CNBD2: variants seen among roughly 807,000 people sequenced by gnomAD.
CNBD2 encodes cyclic nucleotide binding domain containing 2.
Under a neutral mutation model 63.7 loss-of-function variants are expected in CNBD2, and 64 were observed. The observed-to-expected ratio is 1.00, with a 90% CI of 0.82 to 1.24. The LOEUF (loss-of-function observed/expected upper bound fraction) is 1.24. Ranked by LOEUF, CNBD2 falls within the 50% of genes most tolerant of loss-of-function variation. CNBD2 has a pLI of 0.00. For synonymous variants in CNBD2, 229 were observed against 255.4 expected (o/e 0.90, Z 0.99); for missense variants, 691 against 713.5 (o/e 0.97, Z 0.36).
In CNBD2 at chr20:35,984,672, T is replaced by G; in HGVS notation, c.610T>G (p.Cys204Gly). Residue 204 changes from cysteine (C) to glycine (G), a missense_variant, in exon 6 of 12, where the codon TGT becomes GGT. By Grantham distance (159) the Cys-to-Gly change is radical. Coordinates refer to ENST00000373973, the MANE Select transcript of CNBD2 (RefSeq NM_001365709.1). Reference protein sequence around the residue: ...HASVRRSTIVCMEETEFLVVD... With the variant: ...HASVRRSTIVGMEETEFLVVD... ...TTCAGTGAGGAGGTCCACCATCGTCTGTATGGAAGAAACGGAGTTCCTGGT... is the reference window on the plus strand; with the variant it reads ...TTCAGTGAGGAGGTCCACCATCGTCGGTATGGAAGAAACGGAGTTCCTGGT... 6.2e-7 allele frequency: 1 copy of G among 1,614,226 alleles called. No homozygotes were observed. Among genetic ancestry groups the G allele is most frequent in the Non-Finnish European group, 8.5e-7 (1 of 1,180,034 alleles).
chr20:36,009,603 G>A (rs1158020619), intron 9 of CNBD2, among the ~76,000 whole-genome samples: 1 of 152,082 alleles, frequency 6.6e-6, no homozygotes, highest in Non-Finnish European at 1.5e-5. Context: ...CGGCTGAAGC[G>A]GGCGGATTGC....
exon 1 of CNBD2, chr20:35,954,871 G>A (rs1247135248): frequency 2.0e-5 from 6 of 304,422 alleles, no homozygotes; most frequent in East Asian, 1.2e-4. Context: ...AGTGGCGCCC[G>A]GCCGGTGGTG....
intron 8 of CNBD2, among the ~76,000 whole-genome samples, chr20:36,003,338 T>C (rs569679774): frequency 6.6e-6 from 1 of 152,184 alleles, no homozygotes; most frequent in Non-Finnish European, 1.5e-5. Context: ...TTTAATAGGA[T>C]GCTAGAAAAT....
downstream of CNBD2, among the ~76,000 whole-genome samples, chr20:35,959,972 T>G (rs567132223): frequency 6.6e-6 from 1 of 152,388 alleles, no homozygotes; most frequent in South Asian, 2.1e-4. Flanking sequence ...TAAAATAATG[T>G]GATAATCATA....
upstream of CNBD2, chr20:35,954,531 G>A (rs891243566): frequency 1.3e-6 from 2 of 1,517,968 alleles, no homozygotes; most frequent in South Asian, 2.4e-5. Context: ...GCACCCGGAA[G>A]CCGCTTGCGG....
upstream of CNBD2, among the ~76,000 whole-genome samples, chr20:35,965,174 C>CCT (rs1319979318): frequency 6.6e-6 from 1 of 151,268 alleles, no homozygotes; most frequent in African/African-American, 2.4e-5. Flanking sequence ...CTTCTCTCTC[C>CCT]CTCTCTCTCT....
chr20:36,027,441 G>C (rs2590962), intron 11 of CNBD2, among the ~76,000 whole-genome samples: 52,852 of 152,056 alleles, frequency 0.35, 13,494 homozygotes, highest in African/African-American at 0.72. Context: ...AATTAGAGTA[G>C]ATCAGTATTT....
At chr20:35,975,359 G>A (rs1168876897) in intron 2 of CNBD2, among the ~76,000 whole-genome samples, 1 of 113,000 alleles carries the variant, frequency 8.8e-6, no homozygotes. Context: ...GGAGTGCAGT[G>A]GCGCGATCTC....
intron 11 of CNBD2, among the ~76,000 whole-genome samples, chr20:36,027,314 T>A (rs542219136): frequency 6.6e-6 from 1 of 152,284 alleles, no homozygotes; most frequent in African/African-American, 2.4e-5. Flanking sequence ...TGCAGGTGAT[T>A]CCAGCCCTGG....
At chr20:35,984,869 G>A (rs1601038851) in intron 6 of CNBD2, 91 bp downstream of exon 6, 2 of 1,337,314 alleles carry the variant, frequency 1.5e-6, no homozygotes, top group Non-Finnish European at 1.1e-6. Context: ...GAAACATACT[G>A]GTTGCTGTTC....
chr20:35,968,433 A>G (rs1371891378), upstream of CNBD2, among the ~76,000 whole-genome samples: 3 of 152,122 alleles, frequency 2.0e-5, no homozygotes, highest in African/African-American at 7.2e-5. Context: ...TCTCCTATGT[A>G]TGGAGTTGAG....
At chr20:35,956,022 CA>C (rs2056253409), downstream of CNBD2, among the ~76,000 whole-genome samples, 1 of 152,138 alleles carries the variant, frequency 6.6e-6, no homozygotes, top group Non-Finnish European at 1.5e-5. Flanking sequence ...TGCCGGGCCA[CA>C]AATAGGTTTT....
chr20:35,955,063 C>A, exon 1 of CNBD2: 1 of 170,754 alleles, frequency 5.9e-6, no homozygotes, highest in Admixed American at 6.2e-5. Context: ...TTATTTTTCG[C>A]GTGTCCTCCG....
chr20:35,967,710 G>A (rs1165458795), upstream of CNBD2, among the ~76,000 whole-genome samples: 4 of 151,954 alleles, frequency 2.6e-5, no homozygotes, highest in African/African-American at 9.7e-5. Context: ...AAAATCAGCC[G>A]GGCATGGTGG....
At chr20:35,990,736 A>T (rs1255968912) in intron 7 of CNBD2, among the ~76,000 whole-genome samples, 1 of 152,170 alleles carries the variant, frequency 6.6e-6, no homozygotes, top group East Asian at 1.9e-4. Flanking sequence ...GGATCACTTG[A>T]GGCCAGGGGT....
At position 36,023,595 on chromosome 20, in the gene CNBD2, T is replaced by A. The variant is rs1217404860; in HGVS notation, c.1270-7T>A. ...CTGAGGTCTAACTTTCTGTGACTTC[T>A]CCCGAGGGTCTTCACCAGGCCTTCC... is the stretch of plus-strand genomic sequence containing the variant. On this transcript the variant is annotated splice_polypyrimidine_tract_variant and splice_region_variant and intron_variant, in intron 10 of 11. Transcript: ENST00000373973. The A allele has an allele frequency of 2.5e-6, 4 of 1,573,958 alleles. No homozygotes were observed. Among genetic ancestry groups the A allele is most frequent in the Non-Finnish European group, 3.4e-6 (4 of 1,162,712 alleles).
chr20:36,000,753 A>ATT lies in CNBD2; in HGVS notation c.970+5620_970+5621dup, dbSNP rs34139279. 8.6e-3 allele frequency among the ~76,000 whole-genome samples: 1,044 copies of ATT among 121,554 alleles called. 15 individuals are homozygous for ATT. Among genetic ancestry groups the ATT allele is most frequent in the East Asian group, 0.058 (242 of 4,184 alleles). The allele number at this position is 121,554 out of a possible 152,430, so 79.7% of individuals were successfully genotyped here. On this transcript the variant is annotated intron_variant, in intron 8 of 11. Coordinates refer to ENST00000373973, the MANE Select transcript of CNBD2 (RefSeq NM_001365709.1). Reference sequence around the variant, plus strand: ...TTTTTTTTTTTCATTTGTGTATGAAATTTTTTTTTTTTTTTTTTTTGATCA... The same window carrying ATT: ...TTTTTTTTTTTCATTTGTGTATGAAATTTTTTTTTTTTTTTTTTTTTTGATCA...
In CNBD2 at chr20:35,987,396, A is replaced by T. The variant is rs2056682557; in HGVS notation, c.718A>T (p.Lys240Ter). ...DAQYRFEFFR[K>*]MELFASWSDE... ...AATTCTAACAGGCTCTTCCCACAGG[A>T]AGATGGAGCTGTTTGCATCATGGTC... The change falls in exon 7 of 12, where the codon AAG becomes TAG. Residue 240 changes from lysine (K) to a stop codon, truncating the protein, a stop_gained and splice_region_variant. Transcript: ENST00000373973. LOFTEE classifies it high-confidence loss of function. 6.2e-7 allele frequency: 1 copy of T among 1,614,010 alleles called. No homozygotes were observed. The highest frequency in any genetic ancestry group is 8.5e-7 in the Non-Finnish European group (1 of 1,180,036).
chr20:35,987,567 C>T, intron 7 of CNBD2, 34 bp downstream of exon 7: 1 of 1,611,978 alleles, frequency 6.2e-7, no homozygotes, highest in Non-Finnish European at 8.5e-7. Context: ...GAGGGTGAAC[C>T]TCTGAGGAGC....
Sources: gnomAD v4.1 joint callset for allele counts (sites outside exome capture counted in the v4.1 genomes callset) on GRCh38, gnomAD v4.1.1 for gene constraint, MANE v1.5 for transcripts, NCBI Gene and HGNC (gene_info 2026-07-23, HGNC 2026-07-21) for gene names.